Variants in EIF3J observed in about 807,000 individuals in gnomAD.
EIF3J encodes the protein eukaryotic translation initiation factor 3 subunit J.
A neutral mutation model predicts 39.0 loss-of-function variants in EIF3J; 15 were observed. That is an observed-to-expected ratio of 0.38 (90% CI 0.26 to 0.59). EIF3J has a LOEUF of 0.59. EIF3J is among the 20% of genes least tolerant of loss of function. The pLI is 0.60. For synonymous variants in EIF3J, 98 were observed against 112.9 expected, an observed-to-expected ratio of 0.87 and a Z score of 0.84; for missense variants, 226 against 308.6, an observed-to-expected ratio of 0.73 and a Z score of 2.00.
At chr15:44,551,033 G>A (rs2082094624) in intron 3 of EIF3J, 103 bp downstream of exon 3, 43 of 1,463,796 alleles carry the variant, frequency 2.9e-5, no homozygotes, top group Non-Finnish European at 3.8e-5. Flanking sequence ...GAACATTTTG[G>A]TATTTAGAAA....
chr15:44,552,759 C>A (rs1330030587), intron 4 of EIF3J, among the ~76,000 whole-genome samples: 1 of 152,130 alleles, frequency 6.6e-6, no homozygotes, highest in Admixed American at 6.5e-5. Flanking sequence ...GGCATTTCAC[C>A]GTGTTGGCCA....
At chr15:44,540,275 T>C (rs1235952613) in intron 2 of EIF3J, among the ~76,000 whole-genome samples, 1 of 139,436 alleles carries the variant, frequency 7.2e-6, no homozygotes, top group Non-Finnish European at 1.5e-5. Flanking sequence ...ATATTTTTTT[T>C]TTTTTTTTGT....
intron 2 of EIF3J, among the ~76,000 whole-genome samples, chr15:44,540,269 T>TATATATATATA (rs1567115256): frequency 1.3e-4 from 5 of 38,110 alleles, no homozygotes; most frequent in Admixed American, 3.5e-4. Flanking sequence ...ATATATATAT[T>TATATATATATA]TTTTTTTTTT....
intron 6 of EIF3J, among the ~76,000 whole-genome samples, chr15:44,559,942 G>C (rs892020941): frequency 6.6e-6 from 1 of 151,730 alleles, no homozygotes; most frequent in Non-Finnish European, 1.5e-5. Flanking sequence ...CAAGAGACAG[G>C]GTCTAGCTGT....
chr15:44,540,273 T>A (rs868149040), intron 2 of EIF3J, among the ~76,000 whole-genome samples: 1,375 of 133,368 alleles, frequency 0.01, 6 homozygotes, highest in Admixed American at 0.024. Context: ...ATATATTTTT[T>A]TTTTTTTTTT....
chr15:44,550,131 G>A (rs1033841339), intron 2 of EIF3J, among the ~76,000 whole-genome samples: 5 of 152,112 alleles, frequency 3.3e-5, no homozygotes, highest in African/African-American at 1.2e-4. Flanking sequence ...CACTTGTGAG[G>A]GCCTAAGGAT....
intron 5 of EIF3J, among the ~76,000 whole-genome samples, chr15:44,556,627 C>T (rs1291393252): frequency 6.6e-6 from 1 of 152,124 alleles, no homozygotes; most frequent in Admixed American, 6.6e-5. Flanking sequence ...GTGCCTCAGC[C>T]TCCCAAGTAG....
intron 5 of EIF3J, among the ~76,000 whole-genome samples, chr15:44,556,592 C>T (rs142724390): frequency 0.013 from 1,917 of 152,062 alleles, 51 homozygotes; most frequent in African/African-American, 0.044. Context: ...TTGTAACCTC[C>T]GCCTCCTGGG....
At chr15:44,557,462 C>T in intron 5 of EIF3J, 27 bp from the exon 6 acceptor site, 1 of 1,480,252 alleles carries the variant, frequency 6.8e-7, no homozygotes. Context: ...CCTCCTGATA[C>T]TTTTCAGTGC....
At chr15:44,542,389 A>G (rs954161203) in intron 2 of EIF3J, among the ~76,000 whole-genome samples, 3 of 152,166 alleles carry the variant, frequency 2.0e-5, no homozygotes, top group Non-Finnish European at 2.9e-5. Flanking sequence ...TTATTTAAAG[A>G]AAAAAGGAGA....
intron 2 of EIF3J, among the ~76,000 whole-genome samples, chr15:44,548,923 G>A (rs1595802164): frequency 6.6e-6 from 1 of 151,996 alleles, no homozygotes; most frequent in African/African-American, 2.4e-5. Flanking sequence ...ATTTATTAAA[G>A]GGTTTTTAAT....
At chr15:44,551,016 C>T in intron 3 of EIF3J, 86 bp downstream of exon 3, 1 of 1,498,004 alleles carries the variant, frequency 6.7e-7, no homozygotes, top group East Asian at 2.3e-5. Context: ...AGAACGCTCA[C>T]AAAATGGAAC....
chr15:44,551,428 T>C lies in EIF3J; in HGVS notation c.203-3T>C, dbSNP rs1243809641. 29 of 1,562,304 alleles carry C rather than the reference T, an allele frequency of 1.9e-5. No homozygotes were observed. The highest frequency in any genetic ancestry group is 2.3e-5 in the Non-Finnish European group (26 of 1,154,610). ...ACTGAATAAAACTTTTTTTTACTTT[T>C]AGAGGTAAAAATTTCAGAAAAGAAA... is the stretch of plus-strand genomic sequence containing the variant. On this transcript the variant is annotated splice_polypyrimidine_tract_variant and splice_region_variant and intron_variant, in intron 3 of 7. Coordinates refer to ENST00000261868, the MANE Select transcript of EIF3J (RefSeq NM_003758.4).
intron 2 of EIF3J, among the ~76,000 whole-genome samples, chr15:44,539,574 C>G (rs577394271): frequency 7.4e-4 from 111 of 150,330 alleles, no homozygotes; most frequent in Admixed American, 5.2e-3. Flanking sequence ...CTAATTTTTT[C>G]TATTTTTAGT....
chr15:44,551,848 G>A (rs1050716304), intron 4 of EIF3J, among the ~76,000 whole-genome samples: 8 of 125,168 alleles, frequency 6.4e-5, no homozygotes, highest in African/African-American at 1.2e-4. Flanking sequence ...TTTTTTTTTT[G>A]GAGACGGAGT....
chr15:44,560,714 TG>T (rs144491094), intron 7 of EIF3J: 3 of 344,902 alleles, frequency 8.7e-6, no homozygotes, highest in Non-Finnish European at 1.6e-5. Flanking sequence ...GATTTTAAAT[TG>T]GGGGGTACTT....
chr15:44,543,000 C>G (rs1056819260), intron 2 of EIF3J, among the ~76,000 whole-genome samples: 1 of 152,142 alleles, frequency 6.6e-6, no homozygotes, highest in African/African-American at 2.4e-5. Context: ...TTAATTTTAG[C>G]TGTTTCTCTA....
At chr15:44,558,318 T>C (rs1309038576) in intron 6 of EIF3J, among the ~76,000 whole-genome samples, 1 of 152,138 alleles carries the variant, frequency 6.6e-6, no homozygotes, top group African/African-American at 2.4e-5. Context: ...AAAGCAATTC[T>C]CCTGGTCTGG....
intron 2 of EIF3J, among the ~76,000 whole-genome samples, chr15:44,543,417 C>CTTTTTTTTTT (rs759322625): frequency 1.5e-5 from 2 of 135,424 alleles, no homozygotes; most frequent in African/African-American, 2.7e-5. Context: ...ATAGGAACCA[C>CTTTTTTTTTT]TTTTTTTTTT....
Sources: allele counts gnomAD v4.1 joint callset (sites outside exome capture counted in the v4.1 genomes callset), GRCh38; gene constraint gnomAD v4.1.1; transcripts MANE v1.5; gene names NCBI Gene and HGNC (gene_info 2026-07-23, HGNC 2026-07-21).